The following SLC16A4 variants were observed in gnomAD, a reference collection of about 807,000 sequenced individuals.
SLC16A4 encodes probable monocarboxylate transporter 5.
In SLC16A4, 39 loss-of-function variants were observed where a neutral mutation model predicts 47.9. The observed-to-expected ratio is 0.81, with a 90% CI of 0.63 to 1.06. The LOEUF (loss-of-function observed/expected upper bound fraction) is 1.06, where lower values mean the gene tolerates loss of function less well. Among genes scored for constraint, SLC16A4 ranks in the 50% least tolerant of loss-of-function variants. The pLI, the probability that SLC16A4 is intolerant of heterozygous loss-of-function variation, is 0.00. For missense variants in SLC16A4, 524 were observed against 573.8 expected (o/e 0.91, Z 0.89); for synonymous variants, 189 against 199.9 (o/e 0.95, Z 0.46).
rs372867108 is a variant in SLC16A4, at chr1:110,378,816, T to G, written c.1030+37A>C. ...TAAGCTTGTAAAATTAAGTTGATCT[T>G]TCCTTTTGGGTAGGAGGCTGATGTA... is the stretch of plus-strand genomic sequence containing the variant. On this transcript the variant is annotated intron_variant, in intron 6 of 8. Transcript: ENST00000369779. The G allele has an allele frequency of 1.9e-6, 3 of 1,544,366 alleles. No individual in the cohort carries two copies. In the African/African-American group the frequency reaches 4.2e-5, roughly 21 times the overall value.
At chr1:110,364,190 T>C (rs190720766) in intron 8 of SLC16A4, among the ~76,000 whole-genome samples, 40 of 152,342 alleles carry the variant, frequency 2.6e-4, no homozygotes, top group African/African-American at 9.6e-4. Context: ...TCATAAATTA[T>C]TGTTTTCCAG....
At chr1:110,366,292 G>C (rs566667274) in intron 8 of SLC16A4, among the ~76,000 whole-genome samples, 3 of 152,036 alleles carry the variant, frequency 2.0e-5, no homozygotes, top group Admixed American at 2.0e-4. Flanking sequence ...TGAGTTGCTG[G>C]GATTATAGGT....
At position 110,377,085 on chromosome 1, in the gene SLC16A4, GTGGTAAT is replaced by G. The variant is rs772376173; in HGVS notation, c.1100_1106del (p.His367ProfsTer17). ...TGCCGCAGAGGATGAGGTAAGACTT[GTGGTAAT>G]GATACTTCTTAATCCAGTTTTGATC... On this transcript the variant is annotated frameshift_variant, in exon 7 of 9. Transcript: ENST00000369779. LOFTEE classifies it high-confidence loss of function. 4 of 1,614,018 alleles carry G rather than the reference GTGGTAAT, an allele frequency of 2.5e-6. No individual in the cohort carries two copies. The African/African-American group carries it at 5.3e-5, about 22-fold the overall frequency.
chr1:110,378,897 A>T lies in SLC16A4; in HGVS notation c.986T>A (p.Leu329Gln), dbSNP rs1231526936. 1 of 1,613,998 alleles carries T rather than the reference A, an allele frequency of 6.2e-7. No individual in the cohort carries two copies. The highest frequency in any genetic ancestry group is 2.2e-5 in the East Asian group (1 of 44,900). The change falls in exon 6 of 9, where the codon CTG (leucine) becomes CAG (glutamine). Residue 329 changes from leucine (L) to glutamine (Q), a missense_variant. By Grantham distance (113) the Leu-to-Gln change is moderately radical. Coordinates refer to ENST00000369779, the MANE Select transcript of SLC16A4 (RefSeq NM_004696.3). The stretch of plus-strand genomic sequence containing the variant: ...AGAGGCATCCATGATGTCAATCCCC[A>T]GTGTTTTGGCTCTGGCTACCAGGTG... Reference protein sequence around the residue: ...TFHLVARAKTLGIDIMDASYL... With the variant: ...TFHLVARAKTQGIDIMDASYL...
At chr1:110,369,321 C>T (rs556139249) in intron 8 of SLC16A4, among the ~76,000 whole-genome samples, 4 of 150,002 alleles carry the variant, frequency 2.7e-5, no homozygotes, top group South Asian at 4.5e-4. Flanking sequence ...TTAACATGGC[C>T]GGGTGCAGTG....
intron 2 of SLC16A4, 129 bp downstream of exon 2, chr1:110,389,108 G>C: frequency 1.2e-6 from 1 of 850,024 alleles, no homozygotes; most frequent in South Asian, 1.4e-5. Context: ...TCCTGGCCTT[G>C]TTCCTGCCCA....
Position 110,363,665 on chromosome 1 carries a change from C to A in SLC16A4, c.*101G>T. ...AAAAATTGTTTTCCTTCTCATGTTACAAATGTAGATGCGATGTGTTTCTTT... is the reference window on the plus strand; with the variant it reads ...AAAAATTGTTTTCCTTCTCATGTTAAAAATGTAGATGCGATGTGTTTCTTT... On this transcript the variant is annotated 3_prime_UTR_variant, in exon 9 of 9. Coordinates refer to ENST00000369779, the MANE Select transcript of SLC16A4 (RefSeq NM_004696.3). 5.9e-5 allele frequency: 56 copies of A among 951,966 alleles called. No individual in the cohort carries two copies. Among genetic ancestry groups the A allele is most frequent in the Non-Finnish European group, 6.8e-5 (46 of 674,940 alleles). The allele number at this position is 951,966 out of a possible 1,614,324, so 59.0% of individuals were successfully genotyped here.
chr1:110,366,783 C>G (rs554961423), intron 8 of SLC16A4, among the ~76,000 whole-genome samples: 8 of 152,156 alleles, frequency 5.3e-5, no homozygotes, highest in Non-Finnish European at 1.0e-4. Flanking sequence ...AATATATTTT[C>G]TTACCAGGGC....
At chr1:110,365,699 A>T (rs1453589721) in intron 8 of SLC16A4, among the ~76,000 whole-genome samples, 1 of 152,170 alleles carries the variant, frequency 6.6e-6, no homozygotes, top group Non-Finnish European at 1.5e-5. Flanking sequence ...TTACCCTCCC[A>T]TCCCTTGTCA....
chr1:110,388,234 G>A (rs902789213), intron 2 of SLC16A4, among the ~76,000 whole-genome samples: 19 of 152,156 alleles, frequency 1.2e-4, no homozygotes, highest in African/African-American at 4.6e-4. Flanking sequence ...TCTGGAATGG[G>A]CATGCTGATG....
At position 110,378,980 on chromosome 1, in the gene SLC16A4, GAAGA is replaced by G; in HGVS notation, c.899_902del (p.Phe300SerfsTer13). On this transcript the variant is annotated frameshift_variant, in exon 6 of 9. Transcript: ENST00000369779. LOFTEE classifies it high-confidence loss of function. The stretch of plus-strand genomic sequence containing the variant: ...GGAGAAAAGACCAAGTAAATATGTA[GAAGA>G]AAGGATTTCTAAAGAGAGAAATGTC... 1 of 1,614,142 alleles carries G rather than the reference GAAGA, an allele frequency of 6.2e-7. No individual in the cohort carries two copies. Among genetic ancestry groups the G allele is most frequent in the East Asian group, 2.2e-5 (1 of 44,878 alleles).
rs746031982 is a variant in SLC16A4 at position 110,378,880 on chromosome 1, C to T, written c.1003G>A (p.Asp335Asn). ...GCTACAGAAACAAGGTAAGAGGCATCCATGATGTCAATCCCCAGTGTTTTG... is the reference window on the plus strand; with the variant it reads ...GCTACAGAAACAAGGTAAGAGGCATTCATGATGTCAATCCCCAGTGTTTTG... ...RAKTLGIDIMDASYLVSVAGI... is the reference protein window; with the variant it reads ...RAKTLGIDIMNASYLVSVAGI... The change falls in exon 6 of 9, where the codon GAT becomes AAT. Residue 335 changes from aspartate (D) to asparagine (N), a missense_variant. Physicochemically the swap from Asp to Asn is conservative, Grantham distance 23. Coordinates refer to ENST00000369779, the MANE Select transcript of SLC16A4 (RefSeq NM_004696.3). 1 of 1,613,514 alleles carries T rather than the reference C, an allele frequency of 6.2e-7. No individual in the cohort carries two copies. The highest frequency in any genetic ancestry group is 8.5e-7 in the Non-Finnish European group (1 of 1,179,660).
At chr1:110,381,916 G>C (rs546259332) in intron 3 of SLC16A4, 121 bp from the exon 4 acceptor site, 1 of 925,410 alleles carries the variant, frequency 1.1e-6, no homozygotes, top group African/African-American at 1.7e-5. Flanking sequence ...GAAGTATTAC[G>C]TATTCTTCAA....
intron 2 of SLC16A4, among the ~76,000 whole-genome samples, chr1:110,388,481 C>T (rs999861496): frequency 6.6e-6 from 1 of 152,118 alleles, no homozygotes; most frequent in African/African-American, 2.4e-5. Flanking sequence ...GTCCCCACCC[C>T]TTATCGGTAG....
At chr1:110,366,644 T>C (rs965130560) in intron 8 of SLC16A4, among the ~76,000 whole-genome samples, 2 of 152,164 alleles carry the variant, frequency 1.3e-5, no homozygotes, top group African/African-American at 4.8e-5. Context: ...CTGTATAGAT[T>C]TGTAGCCTAG....
At chr1:110,382,020 A>C (rs1265786060) in intron 3 of SLC16A4, among the ~76,000 whole-genome samples, 1 of 152,178 alleles carries the variant, frequency 6.6e-6, no homozygotes, top group East Asian at 1.9e-4. Flanking sequence ...GATTGTAAGT[A>C]AGGTTTGGAG....
In SLC16A4 at chr1:110,379,237, A is replaced by C. The variant is rs1385120530; in HGVS notation, c.646T>G (p.Ser216Ala). 4 of 1,614,186 alleles carry C rather than the reference A, an allele frequency of 2.5e-6. No homozygotes were observed. Among genetic ancestry groups the C allele is most frequent in the Admixed American group, 1.7e-5 (1 of 60,026 alleles). Residue 216 changes from serine (S) to alanine (A), a missense_variant, in exon 6 of 9, where the codon TCT becomes GCT. Physicochemically the swap from Ser to Ala is moderately conservative, Grantham distance 99 (BLOSUM62 1). Transcript: ENST00000369779. ...SGIKDKGSSL[S>A]AHGPEAHATE... ...GCATGTGCCTCTGGACCATGTGCAG[A>C]CAAACTGCTGCCTTTATCTTTAATA...
intron 3 of SLC16A4, 77 bp downstream of exon 3, chr1:110,382,757 C>T: frequency 1.5e-6 from 2 of 1,336,804 alleles, no homozygotes; most frequent in South Asian, 2.0e-5. Flanking sequence ...AATTCCTATT[C>T]AGTCTTGAAT....
At chr1:110,381,316 T>TAC (rs4024149) in intron 4 of SLC16A4, among the ~76,000 whole-genome samples, 173 bp from the exon 5 acceptor site, 2,473 of 150,938 alleles carry the variant, frequency 0.016, 39 homozygotes, top group Middle Eastern at 0.028. Flanking sequence ...CATATATACA[T>TAC]ACACACACAC....
Sources: gnomAD v4.1 joint callset for allele counts (sites outside exome capture counted in the v4.1 genomes callset) on GRCh38, gnomAD v4.1.1 for gene constraint, MANE v1.5 for transcripts, NCBI Gene and HGNC (gene_info 2026-07-23, HGNC 2026-07-21) for gene names.